FSIP2: variants seen among roughly 807,000 people sequenced by gnomAD.
The protein encoded by FSIP2 is fibrous sheath-interacting protein 2.
Under a neutral mutation model 510.5 loss-of-function variants are expected in FSIP2, and 367 were observed. The observed-to-expected ratio is 0.72, with a 90% CI of 0.66 to 0.78. FSIP2 has a LOEUF of 0.78. Ranked by LOEUF, FSIP2 falls within the 30% of genes least tolerant of loss-of-function variation. The pLI, the probability that FSIP2 is intolerant of heterozygous loss-of-function variation, is 0.00. For synonymous variants in FSIP2, 2,601 were observed against 2,732.2 expected (o/e 0.95, Z 1.50); for missense variants, 7,594 against 7,901.7 (o/e 0.96, Z 1.48).
At chr2:185,816,904 G>C (rs1356289690) in intron 19 of FSIP2, among the ~76,000 whole-genome samples, 1 of 145,508 alleles carries the variant, frequency 6.9e-6, no homozygotes, top group Non-Finnish European at 1.5e-5. Context: ...AGAAAGAAAA[G>C]AGAGAGAAAG....
Position 185,797,459 on chromosome 2 carries a change from A to T in FSIP2, c.10323A>T (p.Glu3441Asp), listed in dbSNP as rs1693319854. 6.5e-7 allele frequency: 1 copy of T among 1,527,836 alleles called. No individual in the cohort carries two copies. Among genetic ancestry groups the T allele is most frequent in the Non-Finnish European group, 8.7e-7 (1 of 1,144,458 alleles). The allele number at this position is 1,527,836 out of a possible 1,614,324, so 94.6% of individuals were successfully genotyped here. ...CTGATCATGAAATGGGTTCCAATGA[A>T]GTTCATCTGATAGCAAGACATGTCA... Reference protein sequence around the residue: ...TFADHEMGSNEVHLIARHVTT... With the variant: ...TFADHEMGSNDVHLIARHVTT... Residue 3441 changes from glutamate to aspartate, a missense_variant, in exon 16 of 23, where the codon GAA becomes GAT. Transcript: ENST00000424728.
In FSIP2 at chr2:185,786,122, T is replaced by C. The variant is rs562831807; in HGVS notation, c.1470-130T>C. ...AGGGGGGTTGGAAAAAACAGTGTAT[T>C]CTTCATTTTGAATTTCTAGAGAAAA... is the stretch of plus-strand genomic sequence containing the variant. On this transcript the variant is annotated intron_variant, in intron 14 of 22. Coordinates refer to ENST00000424728, the MANE Select transcript of FSIP2 (RefSeq NM_173651.4). 8.2e-5 allele frequency: 52 copies of C among 633,320 alleles called. No individual in the cohort carries two copies. The South Asian group carries it at 9.4e-4, about 11-fold the overall frequency. The allele number at this position is 633,320 out of a possible 1,614,324, so 39.2% of individuals were successfully genotyped here.
chr2:185,817,057 A>G (rs946480987), intron 19 of FSIP2, among the ~76,000 whole-genome samples: 1 of 151,956 alleles, frequency 6.6e-6, no homozygotes, highest in East Asian at 1.9e-4. Flanking sequence ...GAAAAAACAC[A>G]TTCAAAATAG....
chr2:185,769,705 G>T (rs1692568936), intron 13 of FSIP2, among the ~76,000 whole-genome samples: 1 of 152,158 alleles, frequency 6.6e-6, no homozygotes. Context: ...CAGTTCCTAT[G>T]TCCTGAATGG....
chr2:185,751,182 A>T (rs1334152681), intron 7 of FSIP2, among the ~76,000 whole-genome samples: 1 of 151,520 alleles, frequency 6.6e-6, no homozygotes, highest in Non-Finnish European at 1.5e-5. Context: ...AGAAAGAGTT[A>T]TTAAAATCTC....
rs1220665549 is a variant in FSIP2, at chr2:185,807,020, T to C, written c.17714T>C (p.Ile5905Thr). The change falls in exon 17 of 23, where the codon ATA (isoleucine) becomes ACA (threonine). Residue 5905 changes from isoleucine (I) to threonine (T), a missense_variant. Ile to Thr is a moderately conservative substitution (Grantham distance 89, BLOSUM62 -1). Transcript: ENST00000424728. ...KMMRKPSSDK[I>T]PSIDKTLVNK... is the part of the protein sequence containing the mutation. ...ATGAGAAAACCTTCTTCAGATAAGA[T>C]ACCATCAATTGACAAAACATTGGTC... 1.9e-6 allele frequency: 3 copies of C among 1,597,846 alleles called. No individual in the cohort carries two copies. Among genetic ancestry groups the C allele is most frequent in the Non-Finnish European group, 2.6e-6 (3 of 1,175,004 alleles).
Position 185,795,216 on chromosome 2 carries a change from A to C in FSIP2, c.8080A>C (p.Lys2694Gln). Residue 2694 changes from lysine to glutamine, a missense_variant, in exon 16 of 23, where the codon AAG becomes CAG. Transcript: ENST00000424728. ...LSAAKAKSKT[K>Q]LGPGEKTLKD... ...TGCTGCTAAGGCCAAAAGCAAAACCAAGTTAGGTCCTGGAGAGAAGACCCT... is the reference window on the plus strand; with the variant it reads ...TGCTGCTAAGGCCAAAAGCAAAACCCAGTTAGGTCCTGGAGAGAAGACCCT... The C allele has an allele frequency of 6.5e-7, 1 of 1,535,026 alleles. No individual in the cohort carries two copies. The highest frequency in any genetic ancestry group is 8.7e-7 in the Non-Finnish European group (1 of 1,146,220).
In FSIP2 at chr2:185,792,657, A is replaced by G. The variant is rs1230338631; in HGVS notation, c.5521A>G (p.Ile1841Val). Reference protein sequence around the residue: ...DPLLSEADITIVTDNIVRTVF... With the variant: ...DPLLSEADITVVTDNIVRTVF... ...TTTACTTTCGGAAGCAGATATAACC[A>G]TAGTAACAGATAATATTGTTAGGAC... Residue 1841 changes from isoleucine to valine, a missense_variant, in exon 16 of 23, where the codon ATA (isoleucine) becomes GTA (valine). Coordinates refer to ENST00000424728, the MANE Select transcript of FSIP2 (RefSeq NM_173651.4). 2.0e-6 allele frequency: 3 copies of G among 1,533,784 alleles called. No homozygotes were observed. The highest frequency in any genetic ancestry group is 4.9e-5 in the East Asian group (2 of 40,836).
intron 13 of FSIP2, among the ~76,000 whole-genome samples, chr2:185,772,820 T>C (rs72900004): frequency 4.1e-5 from 4 of 98,404 alleles, no homozygotes; most frequent in African/African-American, 1.5e-4. Flanking sequence ...CCTCCCCTCC[T>C]CTCCTCTTCT....
At chr2:185,738,500 A>T, upstream of FSIP2, 2 of 1,088,128 alleles carry the variant, frequency 1.8e-6, no homozygotes, top group Non-Finnish European at 2.6e-6. Context: ...GGCAAAAACA[A>T]TCACTCGGGA....
intron 14 of FSIP2, among the ~76,000 whole-genome samples, chr2:185,784,844 C>T (rs1473692691): frequency 1.3e-5 from 2 of 151,974 alleles, no homozygotes; most frequent in Admixed American, 6.6e-5. Flanking sequence ...ATTTTTCTTT[C>T]GCCAGTTTAC....
chr2:185,741,027 C>T (rs1691912722), intron 2 of FSIP2, among the ~76,000 whole-genome samples: 1 of 152,058 alleles, frequency 6.6e-6, no homozygotes, highest in Non-Finnish European at 1.5e-5. Flanking sequence ...TACAAATATA[C>T]CAACTTCACA....
chr2:185,745,617 T>G (rs11884004), intron 5 of FSIP2, 49 bp downstream of exon 5: 786,331 of 1,448,428 alleles, frequency 0.54, 215,014 homozygotes, highest in South Asian at 0.64. Flanking sequence ...TGGACCCAAA[T>G]AAGCTGGAAA....
At chr2:185,770,631 T>C (rs1469879827) in intron 13 of FSIP2, among the ~76,000 whole-genome samples, 1 of 152,184 alleles carries the variant, frequency 6.6e-6, no homozygotes, top group African/African-American at 2.4e-5. Context: ...TTGGGAATTA[T>C]ACTTCAACAT....
intron 8 of FSIP2, 77 bp downstream of exon 8, chr2:185,753,919 C>G (rs1692195668): frequency 1.0e-6 from 1 of 973,062 alleles, no homozygotes; most frequent in Non-Finnish European, 1.4e-6. Context: ...GTGTAATACT[C>G]TGTGTATTTA....
At position 185,804,865 on chromosome 2, in the gene FSIP2, A is replaced by G. The variant is rs1182052005; in HGVS notation, c.15559A>G (p.Ile5187Val). The G allele has an allele frequency of 3.3e-6, 5 of 1,523,764 alleles. No individual in the cohort carries two copies. In the Admixed American group the frequency reaches 6.2e-5, roughly 19 times the overall value. 94.4% of individuals were successfully genotyped at this position (1,523,764 alleles called of 1,614,324 possible). Residue 5187 changes from isoleucine (I) to valine (V), a missense_variant, in exon 17 of 23, where the codon ATT (isoleucine) becomes GTT (valine). By Grantham distance (29) the Ile-to-Val change is conservative. Coordinates refer to ENST00000424728, the MANE Select transcript of FSIP2 (RefSeq NM_173651.4). ...DNAESMQLEPIENLVDSICNN... is the reference protein window; with the variant it reads ...DNAESMQLEPVENLVDSICNN... ...TGCAGAAAGTATGCAGTTAGAACCTATTGAAAATTTGGTCGACTCCATATG... is the reference window on the plus strand; with the variant it reads ...TGCAGAAAGTATGCAGTTAGAACCTGTTGAAAATTTGGTCGACTCCATATG...
At position 185,795,014 on chromosome 2, in the gene FSIP2, G is replaced by C; in HGVS notation, c.7878G>C (p.Leu2626Phe). 1 of 1,533,692 alleles carries C rather than the reference G, an allele frequency of 6.5e-7. No individual in the cohort carries two copies. The highest frequency in any genetic ancestry group is 8.7e-7 in the Non-Finnish European group (1 of 1,145,776). ...MENTLLPYLP[L>F]QVKKDLIQMV... is the part of the protein sequence containing the mutation. Reference sequence around the variant, plus strand: ...ACACTCTTTTGCCATATTTACCATTGCAAGTGAAGAAAGACTTAATTCAAA... The same window carrying C: ...ACACTCTTTTGCCATATTTACCATTCCAAGTGAAGAAAGACTTAATTCAAA... Residue 2626 changes from leucine to phenylalanine, a missense_variant, in exon 16 of 23, where the codon TTG becomes TTC. Coordinates refer to ENST00000424728, the MANE Select transcript of FSIP2 (RefSeq NM_173651.4).
rs1693299341 is a variant in FSIP2, at chr2:185,796,930, C to G, written c.9794C>G (p.Pro3265Arg). The G allele has an allele frequency of 6.5e-7, 1 of 1,534,924 alleles. No homozygotes were observed. The highest frequency in any genetic ancestry group is 1.4e-5 in the African/African-American group (1 of 73,032). The change falls in exon 16 of 23, where the codon CCT becomes CGT. Residue 3265 changes from proline to arginine, a missense_variant. Physicochemically the swap from Pro to Arg is moderately radical, Grantham distance 103. Transcript: ENST00000424728. The part of the protein sequence containing the change: ...DQTMKGNSYL[P>R]EGSFLQKLLR... ...ACCATGAAAGGAAATAGCTACCTCC[C>G]TGAAGGCAGTTTCTTACAAAAGCTG...
Position 185,795,641 on chromosome 2 carries a change from T to C in FSIP2, c.8505T>C (p.Gly2835=), listed in dbSNP as rs1216726153. 2 of 1,534,436 alleles carry C rather than the reference T, an allele frequency of 1.3e-6. No homozygotes were observed. The highest frequency in any genetic ancestry group is 1.7e-6 in the Non-Finnish European group (2 of 1,145,842). ...TAGAGCACATTTTTCCTAGAGAAGG[T>C]ATATTTAAAAAATTGTTTGACAAGT... is the stretch of plus-strand genomic sequence containing the variant. The part of the protein sequence containing the change: ...SQLEHIFPRE[G]IFKKLFDKWQ... Residue 2835 remains glycine (G), a synonymous_variant, in exon 16 of 23, where the codon GGT becomes GGC. Transcript: ENST00000424728.
Sources: allele counts gnomAD v4.1 joint callset (sites outside exome capture counted in the v4.1 genomes callset), GRCh38; gene constraint gnomAD v4.1.1; transcripts MANE v1.5; gene names NCBI Gene and HGNC (gene_info 2026-07-23, HGNC 2026-07-21).